USP38: variants seen among roughly 807,000 people sequenced by gnomAD.
USP38 encodes ubiquitin carboxyl-terminal hydrolase 38.
Under a neutral mutation model 94.3 loss-of-function variants are expected in USP38, and 49 were observed. That is an observed-to-expected ratio of 0.52 (90% CI 0.41 to 0.66). The LOEUF (loss-of-function observed/expected upper bound fraction) is 0.66, where lower values mean the gene tolerates loss of function less well. USP38 is among the 30% of genes least tolerant of loss of function. The probability of loss-of-function intolerance (pLI) is 0.00; values close to 1 mark genes in which losing one functional copy is unlikely to be tolerated. For synonymous variants in USP38, 468 were observed against 463.6 expected, an observed-to-expected ratio of 1.01 and a Z score of -0.12; for missense variants, 1,128 against 1,229.4, an observed-to-expected ratio of 0.92 and a Z score of 1.23.
In USP38 at chr4:143,209,637, G is replaced by C; in HGVS notation, c.1477G>C (p.Ala493Pro). 1.9e-6 allele frequency: 3 copies of C among 1,607,068 alleles called. No homozygotes were observed. Among genetic ancestry groups the C allele is most frequent in the Non-Finnish European group, 2.6e-6 (3 of 1,175,102 alleles). ...AATGAAAAAATTACAGCATCTTTTTGCCTTTCTGGCCCATACACAGGTGAG... is the reference window on the plus strand; with the variant it reads ...AATGAAAAAATTACAGCATCTTTTTCCCTTTCTGGCCCATACACAGGTGAG... ...SLMKKLQHLF[A>P]FLAHTQREAY... Residue 493 changes from alanine to proline, a missense_variant, in exon 7 of 10, where the codon GCC becomes CCC. Coordinates refer to ENST00000307017, the MANE Select transcript of USP38 (RefSeq NM_032557.6).
At chr4:143,194,907 T>C (rs944851070) in intron 2 of USP38, among the ~76,000 whole-genome samples, 1 of 152,068 alleles carries the variant, frequency 6.6e-6, no homozygotes, top group South Asian at 2.1e-4. Context: ...TTTTTTTTTT[T>C]TTCACTAAAT....
chr4:143,218,022 T>A (rs1253437750), intron 9 of USP38, among the ~76,000 whole-genome samples: 5 of 152,158 alleles, frequency 3.3e-5, no homozygotes, highest in Admixed American at 2.6e-4. Context: ...TGAGAGATTG[T>A]GTAATGCATC....
At chr4:143,204,275 T>C in intron 5 of USP38, 1 of 384,926 alleles carries the variant, frequency 2.6e-6, no homozygotes, top group Non-Finnish European at 5.1e-6. Context: ...CCACTGCACC[T>C]GGCCTCTTTT....
intron 4 of USP38, among the ~76,000 whole-genome samples, chr4:143,198,984 A>G (rs1474780423): frequency 6.7e-6 from 1 of 149,868 alleles, no homozygotes; most frequent in Admixed American, 6.7e-5. Flanking sequence ...TGTTTTCCAC[A>G]TTTTTTTTTT....
intron 5 of USP38, chr4:143,204,325 G>A (rs917390196): frequency 1.8e-5 from 8 of 440,448 alleles, no homozygotes; most frequent in Admixed American, 1.0e-4. Flanking sequence ...TCAATGTTTC[G>A]AATCTTTACT....
At chr4:143,198,049 T>C in intron 4 of USP38, 125 bp downstream of exon 4, 2 of 581,098 alleles carry the variant, frequency 3.4e-6, no homozygotes, top group Non-Finnish European at 5.8e-6. Context: ...TTCATATAGC[T>C]TTATGATTTC....
rs376860024 is a variant in USP38, at chr4:143,213,717, G to A, written c.1741G>A (p.Gly581Ser). ...AACAGAGACCCCTCGTACAAGTGAC[G>A]GTGAGAAGACTTTAATAGAAAAAAT... ...VLTETPRTSD[G>S]EKTLIEKMFG... Residue 581 changes from glycine (G) to serine (S), a missense_variant, in exon 9 of 10, where the codon GGT becomes AGT. By Grantham distance (56) the Gly-to-Ser change is moderately conservative. Coordinates refer to ENST00000307017, the MANE Select transcript of USP38 (RefSeq NM_032557.6). 4.2e-5 allele frequency: 68 copies of A among 1,613,596 alleles called. 1 individual carries two copies. In the African/African-American group the frequency reaches 6.5e-4, roughly 16 times the overall value.
At chr4:143,198,021 G>T (rs868062038) in intron 4 of USP38, 97 bp downstream of exon 4, 2 of 766,648 alleles carry the variant, frequency 2.6e-6, no homozygotes, top group Non-Finnish European at 4.2e-6. Context: ...AATATTGCAA[G>T]TTAGTCCCAA....
intron 2 of USP38, 98 bp downstream of exon 2, chr4:143,188,059 C>A: frequency 7.3e-7 from 1 of 1,373,048 alleles, no homozygotes; most frequent in Non-Finnish European, 9.8e-7. Flanking sequence ...ATGTTTAAAA[C>A]TAAAATCATG....
In USP38 at chr4:143,214,740, A is replaced by G. The variant is rs748663825; in HGVS notation, c.2764A>G (p.Thr922Ala). 6.2e-7 allele frequency: 1 copy of G among 1,613,778 alleles called. No individual in the cohort carries two copies. Among genetic ancestry groups the G allele is most frequent in the South Asian group, 1.1e-5 (1 of 91,080 alleles). Residue 922 changes from threonine to alanine, a missense_variant, in exon 9 of 10, where the codon ACA (threonine) becomes GCA (alanine). By Grantham distance (58) the Thr-to-Ala change is moderately conservative. Transcript: ENST00000307017. ...EWFLFNDSRV[T>A]FTSFQSVQKI... ...GTTTTTATTTAATGACAGTAGAGTG[A>G]CATTTACTTCATTTCAGTCAGTCCA...
intron 9 of USP38, among the ~76,000 whole-genome samples, chr4:143,217,387 ATATAAT>A (rs770696537): frequency 3.3e-5 from 5 of 152,250 alleles, no homozygotes; most frequent in African/African-American, 7.2e-5. Flanking sequence ...CATTTTTGAG[ATATAAT>A]TATTATAAAT....
At chr4:143,215,074 G>T in intron 9 of USP38, 131 bp downstream of exon 9, 1 of 928,456 alleles carries the variant, frequency 1.1e-6, no homozygotes, top group Non-Finnish European at 1.6e-6. Flanking sequence ...TTTACATGAA[G>T]TATTCTCAAC....
chr4:143,205,648 T>C (rs1731839102), intron 5 of USP38, among the ~76,000 whole-genome samples: 1 of 152,202 alleles, frequency 6.6e-6, no homozygotes, highest in Non-Finnish European at 1.5e-5. Flanking sequence ...TGTTTACTTA[T>C]GTTTAACTGT....
intron 3 of USP38, 93 bp downstream of exon 3, chr4:143,195,938 G>T: frequency 8.4e-7 from 1 of 1,197,050 alleles, no homozygotes; most frequent in Non-Finnish European, 1.1e-6. Context: ...ATCTAATTTT[G>T]AATATGTTAT....
At chr4:143,217,433 G>A (rs941774515) in intron 9 of USP38, among the ~76,000 whole-genome samples, 7 of 151,990 alleles carry the variant, frequency 4.6e-5, no homozygotes, top group African/African-American at 1.7e-4. Context: ...AGATTACTAT[G>A]TCTGGACTAT....
At chr4:143,216,417 TAAATC>T (rs1467483914) in intron 9 of USP38, among the ~76,000 whole-genome samples, 1 of 152,082 alleles carries the variant, frequency 6.6e-6, no homozygotes, top group Non-Finnish European at 1.5e-5. Context: ...GACTAGGTAG[TAAATC>T]AAAGTTTCAT....
intron 9 of USP38, among the ~76,000 whole-genome samples, chr4:143,216,046 T>C (rs1373247633): frequency 6.6e-6 from 1 of 152,064 alleles, no homozygotes; most frequent in African/African-American, 2.4e-5. Context: ...AGAGGAGAAA[T>C]ATGGGTTTTG....
chr4:143,212,381 T>A lies in USP38; in HGVS notation c.1561T>A (p.Ser521Thr). The stretch of plus-strand genomic sequence containing the variant: ...CAGACCTCCATGGTTTACTCCCAGA[T>A]CACAGCAAGACTGTTCTGAATACCT... ...ASRPPWFTPR[S>T]QQDCSEYLRF... The change falls in exon 8 of 10, where the codon TCA becomes ACA. Residue 521 changes from serine to threonine, a missense_variant. Coordinates refer to ENST00000307017, the MANE Select transcript of USP38 (RefSeq NM_032557.6). The A allele has an allele frequency of 4.3e-6, 7 of 1,612,496 alleles. No homozygotes were observed. The highest frequency in any genetic ancestry group is 1.7e-4 in the Middle Eastern group (1 of 6,056).
rs140658606 is a variant in USP38, at chr4:143,203,448, A to C, written c.1091A>C (p.Asn364Thr). 2 of 1,613,012 alleles carry C rather than the reference A, an allele frequency of 1.2e-6. No individual in the cohort carries two copies. The highest frequency in any genetic ancestry group is 2.7e-5 in the African/African-American group (2 of 74,894). The part of the protein sequence containing the change: ...HVVNLVHSFK[N>T]DGLPSSTAFL... ...GTTAATTTGGTTCATTCTTTCAAAA[A>C]TGATGGTCTGCCTTCAAGTACAGCC... is the stretch of plus-strand genomic sequence containing the variant. Residue 364 changes from asparagine (N) to threonine (T), a missense_variant, in exon 5 of 10, where the codon AAT becomes ACT. Transcript: ENST00000307017.
Sources: allele counts gnomAD v4.1 joint callset (sites outside exome capture counted in the v4.1 genomes callset), GRCh38; gene constraint gnomAD v4.1.1; transcripts MANE v1.5; gene names NCBI Gene and HGNC (gene_info 2026-07-23, HGNC 2026-07-21).